NEK10: variants seen among roughly 807,000 people sequenced by gnomAD.
The protein encoded by NEK10 is serine/threonine-protein kinase Nek10.
A neutral mutation model predicts 159.8 loss-of-function variants in NEK10; 122 were observed. That is an observed-to-expected ratio of 0.76 (90% CI 0.66 to 0.89). The LOEUF (loss-of-function observed/expected upper bound fraction) is 0.89, where lower values mean the gene tolerates loss of function less well. Among genes scored for constraint, NEK10 ranks in the 40% least tolerant of loss-of-function variants. The pLI is 0.00. For missense variants in NEK10, 1,342 were observed against 1,323.1 expected (o/e 1.01, Z -0.22); for synonymous variants, 466 against 457.1 (o/e 1.02, Z -0.25).
intron 23 of NEK10, among the ~76,000 whole-genome samples, chr3:27,234,789 A>T (rs1386599986): frequency 6.6e-6 from 1 of 152,108 alleles, no homozygotes; most frequent in East Asian, 1.9e-4. Flanking sequence ...GGAACCAAAA[A>T]AGTGCCCAAC....
At chr3:27,260,453 C>T (rs1405036515) in intron 22 of NEK10, among the ~76,000 whole-genome samples, 1 of 152,092 alleles carries the variant, frequency 6.6e-6, no homozygotes, top group Non-Finnish European at 1.5e-5. Context: ...TTGTCAAAGG[C>T]CTTTTCTGCA....
chr3:27,250,693 C>T (rs1046930163), intron 23 of NEK10, among the ~76,000 whole-genome samples: 4 of 151,984 alleles, frequency 2.6e-5, no homozygotes, highest in Non-Finnish European at 4.4e-5. Context: ...ATATACTATT[C>T]TGGGGTAAAT....
chr3:27,352,734 A>C (rs1454657994), intron 2 of NEK10, 78 bp downstream of exon 2: 2 of 1,008,930 alleles, frequency 2.0e-6, no homozygotes, highest in African/African-American at 3.2e-5. Flanking sequence ...AGTCTTCTCT[A>C]TTTCTCAAAA....
intron 23 of NEK10, chr3:27,216,522 G>A (rs1235815646): frequency 1.3e-5 from 2 of 152,192 alleles, no homozygotes. Flanking sequence ...ATTAGCAATT[G>A]TGATGCATGC....
At chr3:27,113,296 T>C (rs569416019) in intron 35 of NEK10, among the ~76,000 whole-genome samples, 11 of 151,138 alleles carry the variant, frequency 7.3e-5, no homozygotes, top group Non-Finnish European at 1.3e-4. Flanking sequence ...CCAGGTGTGG[T>C]GGTGGGCGCC....
intron 31 of NEK10, among the ~76,000 whole-genome samples, chr3:27,136,274 G>A (rs1347677645): frequency 2.0e-5 from 3 of 151,544 alleles, no homozygotes; most frequent in Non-Finnish European, 2.9e-5. Flanking sequence ...CACCACGCCC[G>A]GCTAATTTTT....
intron 26 of NEK10, among the ~76,000 whole-genome samples, chr3:27,183,536 A>G (rs1304663841): frequency 6.6e-6 from 1 of 152,024 alleles, no homozygotes; most frequent in African/African-American, 2.4e-5. Context: ...ATTTCATTAC[A>G]AAGAGGCAAA....
chr3:27,313,532 C>A (rs180897762), intron 7 of NEK10, among the ~76,000 whole-genome samples: 4 of 152,274 alleles, frequency 2.6e-5, no homozygotes, highest in Admixed American at 2.6e-4. Flanking sequence ...GTGGCACACA[C>A]CTGTAATCCC....
At chr3:27,320,868 A>T (rs750329982) in intron 6 of NEK10, among the ~76,000 whole-genome samples, 11 of 152,216 alleles carry the variant, frequency 7.2e-5, no homozygotes, top group Non-Finnish European at 1.6e-4. Context: ...TTGGTACCAA[A>T]ATACTTTCTC....
intron 6 of NEK10, 54 bp from the exon 7 acceptor site, chr3:27,314,392 G>A: frequency 1.9e-6 from 2 of 1,073,204 alleles, no homozygotes; most frequent in Non-Finnish European, 2.8e-6. Context: ...GGAGGGGGAA[G>A]TATATTTTAC....
chr3:27,139,909 AT>A (rs1943612610), intron 31 of NEK10, among the ~76,000 whole-genome samples: 1 of 152,204 alleles, frequency 6.6e-6, no homozygotes, highest in Non-Finnish European at 1.5e-5. Flanking sequence ...GAGCACCAGC[AT>A]CCTTGAAAAG....
At chr3:27,168,202 C>T (rs937317843) in intron 29 of NEK10, among the ~76,000 whole-genome samples, 3 of 151,590 alleles carry the variant, frequency 2.0e-5, no homozygotes, top group African/African-American at 2.4e-5. Flanking sequence ...AGTGGGAGAG[C>T]TGCCTAGGGT....
intron 22 of NEK10, among the ~76,000 whole-genome samples, chr3:27,284,279 G>A (rs1204843041): frequency 6.6e-6 from 1 of 152,116 alleles, no homozygotes; most frequent in East Asian, 1.9e-4. Context: ...CAGCTATTCA[G>A]GATGCTGAGG....
chr3:27,112,142 A>G (rs1361924901), intron 35 of NEK10, among the ~76,000 whole-genome samples: 1 of 152,134 alleles, frequency 6.6e-6, no homozygotes, highest in East Asian at 1.9e-4. Context: ...TATGCCTGAG[A>G]CATTCTTCCT....
At chr3:27,264,903 A>G (rs1047179043) in intron 22 of NEK10, among the ~76,000 whole-genome samples, 1 of 86,062 alleles carries the variant, frequency 1.2e-5, no homozygotes, top group Non-Finnish European at 2.7e-5. Flanking sequence ...TAAATAAATA[A>G]ATAAATAAAT....
chr3:27,328,348 A>G (rs1245374019), intron 5 of NEK10, among the ~76,000 whole-genome samples: 1 of 152,176 alleles, frequency 6.6e-6, no homozygotes, highest in Non-Finnish European at 1.5e-5. Flanking sequence ...GAGAATAATC[A>G]AGGTTAAGGA....
chr3:27,329,804 C>T (rs916686375), intron 5 of NEK10, among the ~76,000 whole-genome samples: 2 of 152,180 alleles, frequency 1.3e-5, no homozygotes, highest in Admixed American at 6.5e-5. Flanking sequence ...GGACCTTGGA[C>T]CTTACCTGCT....
intron 19 of NEK10, among the ~76,000 whole-genome samples, chr3:27,288,609 A>G (rs1327143337): frequency 6.6e-6 from 1 of 152,210 alleles, no homozygotes; most frequent in Non-Finnish European, 1.5e-5. Context: ...TTGCAATAGT[A>G]TTGAATAAAG....
chr3:27,137,857 A>G (rs1258188641), intron 31 of NEK10, among the ~76,000 whole-genome samples: 1 of 152,220 alleles, frequency 6.6e-6, no homozygotes, highest in African/African-American at 2.4e-5. Flanking sequence ...AAGGGAAAGC[A>G]AGGAGAACTC....
Sources: gnomAD v4.1 joint callset for allele counts (sites outside exome capture counted in the v4.1 genomes callset) on GRCh38, gnomAD v4.1.1 for gene constraint, MANE v1.5 for transcripts, NCBI Gene and HGNC (gene_info 2026-07-23, HGNC 2026-07-21) for gene names.